The following NEB variants were observed in gnomAD, a reference collection of about 807,000 sequenced individuals.
NEB encodes nemaline myopathy type 2.
NEB carries 512 observed loss-of-function variants against 952.2 expected under a neutral mutation model. The ratio of observed to expected loss-of-function variants is 0.54; its 90% CI spans 0.50 to 0.58. NEB has a LOEUF of 0.58. Ranked by LOEUF, NEB falls within the 20% of genes least tolerant of loss-of-function variation. The pLI, the probability that NEB is intolerant of heterozygous loss-of-function variation, is 0.00. For synonymous variants in NEB, 2,900 were observed against 3,149.8 expected (o/e 0.92, Z 2.66); for missense variants, 8,428 against 9,231.1 (o/e 0.91, Z 3.56).
At chr2:151,549,811 C>A in intron 129 of NEB, 71 bp from the exon 130 acceptor site, 1 of 836,624 alleles carries the variant, frequency 1.2e-6, no homozygotes, top group South Asian at 1.5e-5. Flanking sequence ...TAACAAATCA[C>A]ATATAGCTCA....
At chr2:151,672,722 T>C (rs368025512) in intron 36 of NEB, 42 bp from the exon 37 acceptor site, 9 of 1,508,798 alleles carry the variant, frequency 6.0e-6, no homozygotes, top group Non-Finnish European at 7.3e-6. Flanking sequence ...TAGGCATTGA[T>C]AGCATTAGCG....
chr2:151,713,589 A>G (rs975845307), intron 10 of NEB, among the ~76,000 whole-genome samples: 3 of 152,154 alleles, frequency 2.0e-5, no homozygotes, highest in African/African-American at 7.2e-5. Flanking sequence ...CCAACCTGAA[A>G]TCTCATATTT....
chr2:151,506,078 G>A, intron 164 of NEB, 88 bp downstream of exon 164: 1 of 1,140,422 alleles, frequency 8.8e-7, no homozygotes, highest in East Asian at 2.3e-5. Context: ...TGTTTCTGGT[G>A]ACAGAGGCTT....
chr2:151,643,965 T>A lies in NEB; in HGVS notation c.7809A>T (p.Pro2603=). The change falls in exon 57 of 182, where the codon CCA becomes CCT. Residue 2603 remains proline (P), a synonymous_variant. Transcript: ENST00000397345. ...FEKWKTKFSS[P]VDMLGVVLAK... Reference sequence around the variant, plus strand: ...CCAACACCACCCCCAGCATGTCCACTGGGCTGCTGAACTTGGTCTTCCACT... The same window carrying A: ...CCAACACCACCCCCAGCATGTCCACAGGGCTGCTGAACTTGGTCTTCCACT... 3 of 1,613,986 alleles carry A rather than the reference T, an allele frequency of 1.9e-6. No homozygotes were observed. The highest frequency in any genetic ancestry group is 2.5e-6 in the Non-Finnish European group (3 of 1,179,884).
At chr2:151,503,488 TC>T (rs1226944704) in intron 165 of NEB, 47 bp from the exon 166 acceptor site, 1 of 1,306,426 alleles carries the variant, frequency 7.7e-7, no homozygotes, top group South Asian at 1.2e-5. Context: ...TGACCGTAAA[TC>T]CTTTAGATAG....
At chr2:151,528,121 G>A (rs1035356706) in intron 146 of NEB, among the ~76,000 whole-genome samples, 11 of 152,136 alleles carry the variant, frequency 7.2e-5, no homozygotes, top group African/African-American at 2.2e-4. Flanking sequence ...TTAGCAATTG[G>A]TGGAGCTGGA....
chr2:151,730,521 C>T (rs553292905), intron 3 of NEB, among the ~76,000 whole-genome samples: 1 of 150,832 alleles, frequency 6.6e-6, no homozygotes, highest in Non-Finnish European at 1.5e-5. Flanking sequence ...TCCTTAGCCT[C>T]ACCCTGCTCT....
chr2:151,490,580 A>G, intron 179 of NEB, 62 bp from the exon 180 acceptor site: 3 of 1,549,620 alleles, frequency 1.9e-6, no homozygotes, highest in Non-Finnish European at 2.6e-6. Context: ...AGTAATGCCT[A>G]ACAGTGATTG....
chr2:151,486,789 ATGTCT>A (rs1559073686), intron 181 of NEB: 2 of 152,242 alleles, frequency 1.3e-5, no homozygotes, highest in Non-Finnish European at 2.9e-5. Context: ...TTTATATGAA[ATGTCT>A]TAGGTAGCCA....
At chr2:151,723,750 G>GTTTTTTTT (rs11308757) in intron 8 of NEB, among the ~76,000 whole-genome samples, 1 of 51,380 alleles carries the variant, frequency 1.9e-5, no homozygotes, top group African/African-American at 7.2e-5. Context: ...TGCCTTCTTT[G>GTTTTTTTT]TTTTTTTTTT....
intron 138 of NEB, 42 bp downstream of exon 138, chr2:151,540,302 C>T (rs2093871950): frequency 8.2e-7 from 1 of 1,221,122 alleles, no homozygotes; most frequent in Non-Finnish European, 1.2e-6. Flanking sequence ...TCAACCTCAG[C>T]TCTCCCCATC....
intron 153 of NEB, among the ~76,000 whole-genome samples, chr2:151,520,818 C>T (rs751228445): frequency 7.9e-5 from 12 of 152,136 alleles, no homozygotes; most frequent in Non-Finnish European, 1.8e-4. Context: ...GAGTCAGGAT[C>T]GCACCACTGC....
chr2:151,496,460 A>G lies in NEB; in HGVS notation c.24394-92T>C, dbSNP rs953960458. 5 of 1,480,942 alleles carry G rather than the reference A, an allele frequency of 3.4e-6. No homozygotes were observed. The African/African-American group carries it at 5.7e-5, about 17-fold the overall frequency. The allele number at this position is 1,480,942 out of a possible 1,614,324, so 91.7% of individuals were successfully genotyped here. ...GGGTAAGGTCAACTTCCTTGTTAAG[A>G]AAACACAGTCGTCCAAGGAGCCAGA... On this transcript the variant is annotated intron_variant, in intron 172 of 181. Transcript: ENST00000397345.
chr2:151,707,067 T>C, intron 12 of NEB, 70 bp from the exon 13 acceptor site: 2 of 924,054 alleles, frequency 2.2e-6, no homozygotes, highest in Non-Finnish European at 3.3e-6. Context: ...ATTATGAATA[T>C]GACATACTTC....
rs114124524 is a variant in NEB, at chr2:151,671,594, T to A, written c.4300-365A>T. On this transcript the variant is annotated intron_variant, in intron 37 of 181. Coordinates refer to ENST00000397345, the MANE Select transcript of NEB (RefSeq NM_001164508.2). ...AAATAGAAATGATCATGCTTTAGACTGCATTATGCAACACAGAGGGGAATC... is the reference window on the plus strand; with the variant it reads ...AAATAGAAATGATCATGCTTTAGACAGCATTATGCAACACAGAGGGGAATC... Among the ~76,000 whole-genome samples the A allele has an allele frequency of 6.6e-3, 1,009 of 152,360 alleles. 12 individuals carry two copies. Among genetic ancestry groups the A allele is most frequent in the East Asian group, 0.054 (283 of 5,196 alleles).
rs2099279723 is a variant in NEB, at chr2:151,671,112, G to A, written c.4417C>T (p.Arg1473Ter). The A allele has an allele frequency of 4.3e-6, 7 of 1,613,924 alleles. No homozygotes were observed. The highest frequency in any genetic ancestry group is 2.2e-5 in the East Asian group (1 of 44,882). The stretch of plus-strand genomic sequence containing the variant: ...AACTTGACGGTATCTGGGTGCTGTC[G>A]ATACTTCCTCTCATTTAATGCATCG... ...AGDALNERKY[R>*]QHPDTVKFTS... The change falls in exon 38 of 182, where the codon CGA (arginine) becomes TGA (stop). Residue 1473 changes from arginine to a stop codon, truncating the protein, a stop_gained. Transcript: ENST00000397345. LOFTEE classifies it high-confidence loss of function.
At chr2:151,692,798 C>T (rs1170074828) in intron 20 of NEB, among the ~76,000 whole-genome samples, 4 of 152,154 alleles carry the variant, frequency 2.6e-5, no homozygotes, top group East Asian at 1.9e-4. Context: ...GGTAAAACCC[C>T]GTCTCTACTA....
rs1051646584 is a variant in NEB at position 151,570,191 on chromosome 2, G to T, written c.17320C>A (p.Gln5774Lys). 2 of 1,613,524 alleles carry T rather than the reference G, an allele frequency of 1.2e-6. No individual in the cohort carries two copies. Among genetic ancestry groups the T allele is most frequent in the African/African-American group, 2.7e-5 (2 of 74,924 alleles). The change falls in exon 109 of 182, where the codon CAG (glutamine) becomes AAG (lysine). Residue 5774 changes from glutamine to lysine, a missense_variant. By Grantham distance (53) the Gln-to-Lys change is moderately conservative. Around this residue, in one of 11 missense-constraint regions of NEB, gnomAD observed 3,374 missense variants for 3,651.5 expected, o/e 0.92. Transcript: ENST00000397345. ...MLSILHSKNS[Q>K]ALVSDMDYRN... is the part of the protein sequence containing the mutation. ...TAATCCATGTCACTGACCAGAGCCTGGGAATTTTTAGAGTGCAGGATGGAA... is the reference window on the plus strand; with the variant it reads ...TAATCCATGTCACTGACCAGAGCCTTGGAATTTTTAGAGTGCAGGATGGAA...
intron 34 of NEB, among the ~76,000 whole-genome samples, chr2:151,675,775 T>C (rs199543107): frequency 3.2e-5 from 4 of 125,112 alleles, no homozygotes; most frequent in Admixed American, 7.4e-5. Flanking sequence ...AAAGTAGTAG[T>C]TAGAATAAGT....
Sources: gnomAD v4.1 joint callset for allele counts (sites outside exome capture counted in the v4.1 genomes callset) on GRCh38, gnomAD v4.1.1 for gene constraint, gnomAD v4.1.1 regional missense constraint, MANE v1.5 for transcripts, NCBI Gene and HGNC (gene_info 2026-07-23, HGNC 2026-07-21) for gene names.